TBL2: variants seen among roughly 807,000 people sequenced by gnomAD.
TBL2 encodes transducin beta-like protein 2.
A neutral mutation model predicts 41.8 loss-of-function variants in TBL2; 33 were observed. That is an observed-to-expected ratio of 0.79 (90% CI 0.60 to 1.06). The LOEUF is 1.06. Among genes scored for constraint, TBL2 ranks in the 50% least tolerant of loss-of-function variants. The pLI, the probability that TBL2 is intolerant of heterozygous loss-of-function variation, is 0.00. For missense variants in TBL2, 522 were observed against 603.8 expected (o/e 0.86, Z 1.42); for synonymous variants, 239 against 241.7 (o/e 0.99, Z 0.10).
chr7:73,576,842 T>G, intron 1 of TBL2: 1 of 388,088 alleles, frequency 2.6e-6, no homozygotes, highest in Non-Finnish European at 5.1e-6. Context: ...TTGGCAGGAA[T>G]GTCTTTTTTC....
rs1297550914 is a variant in TBL2, at chr7:73,568,697, G to A, written c.*1810C>T. ...CCAGCACTTGGGGAGGCCAAGGGGG[G>A]TGGTGGATCATTTGAGGTCAGGAGT... On this transcript the variant is annotated 3_prime_UTR_variant, in exon 7 of 7. Transcript: ENST00000305632. Among the ~76,000 whole-genome samples the A allele has an allele frequency of 1.3e-5, 2 of 152,142 alleles. No homozygotes were observed. The highest frequency in any genetic ancestry group is 2.9e-5 in the Non-Finnish European group (2 of 68,026).
intron 5 of TBL2, chr7:73,571,813 C>T (rs1371944930): frequency 6.2e-6 from 1 of 162,208 alleles, no homozygotes; most frequent in Non-Finnish European, 1.3e-5. Context: ...GTAATCCCAG[C>T]ACTTTGGGAG....
At chr7:73,577,277 A>C (rs1393732548) in intron 1 of TBL2, among the ~76,000 whole-genome samples, 7 of 151,294 alleles carry the variant, frequency 4.6e-5, no homozygotes, top group African/African-American at 1.7e-4. Context: ...AAAAAAAAAA[A>C]AAAAAAATGC....
At chr7:73,576,460 GGA>G in intron 1 of TBL2, 1 of 356,778 alleles carries the variant, frequency 2.8e-6, no homozygotes. Flanking sequence ...CAGCTACTCA[GGA>G]GGCTGAGGCA....
Position 73,578,461 on chromosome 7 carries a change from C to A in TBL2, c.89G>T (p.Gly30Val). ...ALMATAAVAR[G>V]WLRAGEERSG... ...CCTCTCCTCCCCCGCGCGCAGCCACCCCCGCGCTACCGCCGCCGTCGCCAT... is the reference window on the plus strand; with the variant it reads ...CCTCTCCTCCCCCGCGCGCAGCCACACCCGCGCTACCGCCGCCGTCGCCAT... Residue 30 changes from glycine (G) to valine (V), a missense_variant, in exon 1 of 7, where the codon GGG becomes GTG. Gly to Val is a moderately radical substitution (Grantham distance 109). Coordinates refer to ENST00000305632, the MANE Select transcript of TBL2 (RefSeq NM_012453.4). The A allele has an allele frequency of 6.4e-7, 1 of 1,561,986 alleles. No individual in the cohort carries two copies. The highest frequency in any genetic ancestry group is 8.6e-7 in the Non-Finnish European group (1 of 1,157,384).
chr7:73,571,461 T>C (rs1226300442), intron 5 of TBL2, 120 bp from the exon 6 acceptor site: 65 of 1,425,480 alleles, frequency 4.6e-5, no homozygotes, highest in Non-Finnish European at 5.5e-5. Flanking sequence ...TATAAACCTT[T>C]AAAGAGTTAT....
At position 73,573,401 on chromosome 7, in the gene TBL2, C is replaced by T; in HGVS notation, c.517G>A (p.Gly173Ser). Residue 173 changes from glycine (G) to serine (S), a missense_variant, in exon 4 of 7, where the codon GGC (glycine) becomes AGC (serine). Coordinates refer to ENST00000305632, the MANE Select transcript of TBL2 (RefSeq NM_012453.4). ...TCTGGGGTGGCTGTGAAGGTGTAGC[C>T]CCCATCCTCCCGCTTGGTCATCTTG... The part of the protein sequence containing the change: ...VFKMTKREDG[G>S]YTFTATPEDF... 1.2e-5 allele frequency: 19 copies of T among 1,614,118 alleles called. No individual in the cohort carries two copies. Among genetic ancestry groups the T allele is most frequent in the Non-Finnish European group, 1.6e-5 (19 of 1,180,024 alleles).
chr7:73,574,593 G>A (rs1554588545), intron 1 of TBL2, 80 bp from the exon 2 acceptor site: 1 of 1,596,222 alleles, frequency 6.3e-7, no homozygotes, highest in South Asian at 1.1e-5. Context: ...CAGGCATTGA[G>A]TGGAACAGCA....
At position 73,571,150 on chromosome 7, in the gene TBL2, C is replaced by A. The variant is rs1554587435; in HGVS notation, c.878+39G>T. On this transcript the variant is annotated intron_variant, in intron 6 of 6. Coordinates refer to ENST00000305632, the MANE Select transcript of TBL2 (RefSeq NM_012453.4). ...AAGGACCCTGGTTGTCAAGAGGGGC[C>A]AAGAGCCACTGGTCAGACATCAGAG... 5 of 1,612,398 alleles carry A rather than the reference C, an allele frequency of 3.1e-6. No homozygotes were observed. The African/African-American group carries it at 4.0e-5, about 13-fold the overall frequency.
chr7:73,578,535 C>G lies in TBL2; in HGVS notation c.15G>C (p.Gln5His), dbSNP rs1554589556. MELS[Q>H]MSELMGLSVL... ...CCGACAGCCCCATGAGCTCCGACAT[C>G]TGCGAGAGCTCCATGTTGGTGGAAC... The change falls in exon 1 of 7, where the codon CAG (glutamine) becomes CAC (histidine). Residue 5 changes from glutamine (Q) to histidine (H), a missense_variant. Gln to His is a conservative substitution (Grantham distance 24). Transcript: ENST00000305632. The G allele has an allele frequency of 1.3e-6, 2 of 1,592,298 alleles. No homozygotes were observed. Among genetic ancestry groups the G allele is most frequent in the Non-Finnish European group, 8.5e-7 (1 of 1,171,144 alleles).
At position 73,578,455 on chromosome 7, in the gene TBL2, A is replaced by T. The variant is rs1554589508; in HGVS notation, c.95T>A (p.Leu32Gln). The stretch of plus-strand genomic sequence containing the variant: ...GCCGCTCCTCTCCTCCCCCGCGCGC[A>T]GCCACCCCCGCGCTACCGCCGCCGT... ...MATAAVARGW[L>Q]RAGEERSGRP... The change falls in exon 1 of 7, where the codon CTG becomes CAG. Residue 32 changes from leucine (L) to glutamine (Q), a missense_variant. Transcript: ENST00000305632. The T allele has an allele frequency of 4.5e-6, 7 of 1,551,590 alleles. No homozygotes were observed. The South Asian group carries it at 5.9e-5, about 13-fold the overall frequency.
In TBL2 at chr7:73,574,517, T is replaced by C. The variant is rs782590119; in HGVS notation, c.131-4A>G. The C allele has an allele frequency of 3.1e-6, 5 of 1,614,076 alleles. No individual in the cohort carries two copies. Among genetic ancestry groups the C allele is most frequent in the African/African-American group, 1.3e-5 (1 of 74,942 alleles). On this transcript the variant is annotated splice_polypyrimidine_tract_variant and splice_region_variant and intron_variant, in intron 1 of 6. Coordinates refer to ENST00000305632, the MANE Select transcript of TBL2 (RefSeq NM_012453.4). ...GGAAATCCATTTGCTTTTTGGCCTA[T>C]AAGGAAGGGCCATGTTGTTCTCCAG...
At chr7:73,577,484 G>A (rs1048890277) in intron 1 of TBL2, among the ~76,000 whole-genome samples, 1 of 152,166 alleles carries the variant, frequency 6.6e-6, no homozygotes, top group Non-Finnish European at 1.5e-5. Flanking sequence ...AGAGGCAGAA[G>A]AATCGCTTGA....
intron 2 of TBL2, 41 bp from the exon 3 acceptor site, chr7:73,574,163 G>T: frequency 6.2e-7 from 1 of 1,602,894 alleles, no homozygotes; most frequent in East Asian, 2.2e-5. Context: ...GGAGCTCCTG[G>T]GGGAGATGGG....
Position 73,570,707 on chromosome 7 carries a change from C to T in TBL2, c.1144G>A (p.Asp382Asn), listed in dbSNP as rs372704268. ...GAGGCCAGAAAGCGGCCAGTGATGT[C>T]AAAGGACAAGTTGGCGATACACTCG... ...HGECIANLSFDITGRFLASCG... is the reference protein window; with the variant it reads ...HGECIANLSFNITGRFLASCG... Residue 382 changes from aspartate to asparagine, a missense_variant, in exon 7 of 7, where the codon GAC (aspartate) becomes AAC (asparagine). Asp to Asn is a conservative substitution (Grantham distance 23). Coordinates refer to ENST00000305632, the MANE Select transcript of TBL2 (RefSeq NM_012453.4). 3.7e-5 allele frequency: 60 copies of T among 1,614,058 alleles called. No homozygotes were observed. The highest frequency in any genetic ancestry group is 1.6e-4 in the Middle Eastern group (1 of 6,084).
chr7:73,573,419 T>TC lies in TBL2; in HGVS notation c.498dup (p.Thr167AspfsTer19). On this transcript the variant is annotated frameshift_variant, in exon 4 of 7. Coordinates refer to ENST00000305632, the MANE Select transcript of TBL2 (RefSeq NM_012453.4). LOFTEE classifies it high-confidence loss of function. ...GTGTAGCCCCCATCCTCCCGCTTGGTCATCTTGAAGACACGGAGGGTGTCC... is the reference window on the plus strand; with the variant it reads ...GTGTAGCCCCCATCCTCCCGCTTGGTCCATCTTGAAGACACGGAGGGTGTCC... 6.2e-7 allele frequency: 1 copy of TC among 1,614,110 alleles called. No homozygotes were observed. The highest frequency in any genetic ancestry group is 8.5e-7 in the Non-Finnish European group (1 of 1,180,012).
chr7:73,575,580 A>G (rs1793260493), intron 1 of TBL2, among the ~76,000 whole-genome samples: 1 of 152,190 alleles, frequency 6.6e-6, no homozygotes, highest in Admixed American at 6.5e-5. Flanking sequence ...GGCGTGAGCC[A>G]TGGCACCTGG....
chr7:73,574,739 T>C (rs781869494), intron 1 of TBL2: 2 of 618,796 alleles, frequency 3.2e-6, no homozygotes, highest in Non-Finnish European at 5.8e-6. Context: ...AGCCCAGGAG[T>C]TCGAGGCTGC....
At chr7:73,572,721 GC>G in intron 5 of TBL2, 122 bp downstream of exon 5, 1 of 1,396,488 alleles carries the variant, frequency 7.2e-7, no homozygotes, top group Non-Finnish European at 9.9e-7. Flanking sequence ...GAGACTTGAA[GC>G]TCGGGTTCCT....
Sources: gnomAD v4.1 joint callset for allele counts (sites outside exome capture counted in the v4.1 genomes callset) on GRCh38, gnomAD v4.1.1 for gene constraint, MANE v1.5 for transcripts, NCBI Gene and HGNC (gene_info 2026-07-23, HGNC 2026-07-21) for gene names.